The following MID1 variants were observed in gnomAD, a reference collection of about 807,000 sequenced individuals.
MID1 encodes E3 ubiquitin-protein ligase Midline-1.
In MID1, 7 loss-of-function variants were observed where a neutral mutation model predicts 40.4. The observed-to-expected ratio is 0.17, with a 90% CI of 0.10 to 0.33. The LOEUF is 0.33. Among genes scored for constraint, MID1 ranks in the 10% least tolerant of loss-of-function variants. The pLI is 1.00. For missense variants in MID1, 367 were observed against 558.5 expected (o/e 0.66, Z 3.46); for synonymous variants, 229 against 221.2 (o/e 1.04, Z -0.31).
chrX:10,580,138 T>A (rs960611568), intron 1 of MID1, among the ~76,000 whole-genome samples: 9 of 108,261 alleles, frequency 8.3e-5, no homozygotes, highest in East Asian at 5.8e-4. Context: ...ACACACACAC[T>A]GTAAAGTGTC....
intron 1 of MID1, among the ~76,000 whole-genome samples, chrX:10,763,202 T>C (rs766654300): frequency 6.0e-4 from 66 of 109,102 alleles, no homozygotes; most frequent in African/African-American, 2.1e-3. Context: ...CTAGGGTACA[T>C]GTGCACAACG....
chrX:10,605,592 G>C (rs1040470083), intron 1 of MID1, among the ~76,000 whole-genome samples: 1 of 111,906 alleles, frequency 8.9e-6, no homozygotes, highest in Non-Finnish European at 1.9e-5. Flanking sequence ...TTCCTCCAAT[G>C]CCTTCTCTCA....
chrX:10,818,459 T>C (rs762982634), intron 1 of MID1, among the ~76,000 whole-genome samples: 1 of 112,873 alleles, frequency 8.9e-6, no homozygotes, highest in Non-Finnish European at 1.9e-5. Flanking sequence ...TGGCAGGTCA[T>C]TGTTTCTACA....
chrX:10,665,343 T>C (rs748228742), intron 1 of MID1, among the ~76,000 whole-genome samples: 44 of 111,643 alleles, frequency 3.9e-4, no homozygotes, highest in Non-Finnish European at 7.5e-4. Flanking sequence ...GGACACCTTC[T>C]GGAATTCAAA....
At chrX:10,458,748 C>G (rs1047848357) in intron 8 of MID1, among the ~76,000 whole-genome samples, 3 of 111,647 alleles carry the variant, frequency 2.7e-5, no homozygotes, top group African/African-American at 9.8e-5. Flanking sequence ...ACACATTCCT[C>G]TAGGATACAA....
intron 1 of MID1, among the ~76,000 whole-genome samples, chrX:10,711,366 C>A (rs2043266524): frequency 8.9e-6 from 1 of 111,924 alleles, no homozygotes; most frequent in African/African-American, 3.2e-5. Context: ...TATTAATGGA[C>A]CTCTTTCAGG....
chrX:10,566,536 T>C (rs1252826889), intron 2 of MID1, among the ~76,000 whole-genome samples: 9 of 101,032 alleles, frequency 8.9e-5, no homozygotes, highest in Non-Finnish European at 1.4e-4. Context: ...TCTCTCCCTC[T>C]CTCTCTCTCT....
chrX:10,769,456 T>G (rs979428834), intron 1 of MID1, among the ~76,000 whole-genome samples: 6 of 111,899 alleles, frequency 5.4e-5, no homozygotes, highest in African/African-American at 1.9e-4. Flanking sequence ...CCTCACTCTT[T>G]CCTCTGTGCC....
At chrX:10,821,065 G>A (rs142337418) in intron 1 of MID1, among the ~76,000 whole-genome samples, 39 of 112,191 alleles carry the variant, frequency 3.5e-4, no homozygotes, top group African/African-American at 1.1e-3. Context: ...CAACTCAAGC[G>A]TTGGGTACTC....
At chrX:10,560,335 C>A (rs1934284972) in intron 2 of MID1, among the ~76,000 whole-genome samples, 1 of 111,527 alleles carries the variant, frequency 9.0e-6, no homozygotes, top group Non-Finnish European at 1.9e-5. Flanking sequence ...CCTCTCTCAC[C>A]ACTCCTATTC....
chrX:10,721,093 A>G (rs1246874934), intron 1 of MID1, among the ~76,000 whole-genome samples: 1 of 110,254 alleles, frequency 9.1e-6, no homozygotes, highest in East Asian at 2.8e-4. Flanking sequence ...GATATACCTA[A>G]TGTTAAATGA....
At chrX:10,733,700 A>G (rs781699119) in intron 1 of MID1, among the ~76,000 whole-genome samples, 1 of 112,266 alleles carries the variant, frequency 8.9e-6, no homozygotes, top group East Asian at 2.8e-4. Flanking sequence ...AGGCATATGA[A>G]TTACCAATAA....
chrX:10,674,530 T>A (rs1467192017), intron 1 of MID1, among the ~76,000 whole-genome samples: 2 of 112,171 alleles, frequency 1.8e-5, no homozygotes, highest in East Asian at 5.6e-4. Flanking sequence ...AAGGCAGTAG[T>A]GAAAAATGGC....
intron 1 of MID1, among the ~76,000 whole-genome samples, chrX:10,721,350 A>G (rs903156323): frequency 1.8e-5 from 2 of 110,756 alleles, no homozygotes; most frequent in African/African-American, 6.6e-5. Flanking sequence ...CTCTAGTGTG[A>G]ATTAAAGAGT....
At chrX:10,622,296 G>A (rs1343219819), upstream of MID1, among the ~76,000 whole-genome samples, 1 of 111,253 alleles carries the variant, frequency 9.0e-6, no homozygotes, top group Non-Finnish European at 1.9e-5. Flanking sequence ...TTAATCCCAT[G>A]GCACATCTGT....
intron 2 of MID1, among the ~76,000 whole-genome samples, chrX:10,560,752 C>T (rs190463229): frequency 1.0e-3 from 112 of 111,659 alleles, no homozygotes; most frequent in African/African-American, 3.5e-3. Flanking sequence ...AAAATCCATG[C>T]TCATGGATAG....
At position 10,482,460 on chromosome X, in the gene MID1, C is replaced by T; in HGVS notation, c.1013+20G>A. 8.3e-7 allele frequency: 1 copy of T among 1,208,355 alleles called. No homozygotes were observed. On this transcript the variant is annotated intron_variant, in intron 5 of 9. Transcript: ENST00000317552. ...CAAGAGCCCAGCAGCCGAGAAATTC[C>T]CAGGGGCCCCTGCACTCACCTCTCG...
At chrX:10,716,433 A>C (rs2043303809) in intron 1 of MID1, among the ~76,000 whole-genome samples, 1 of 112,129 alleles carries the variant, frequency 8.9e-6, no homozygotes, top group Non-Finnish European at 1.9e-5. Context: ...CAACTGGAAG[A>C]AAGGGTATCA....
intron 1 of MID1, among the ~76,000 whole-genome samples, chrX:10,630,214 T>C (rs373085221): frequency 9.0e-6 from 1 of 111,630 alleles, no homozygotes; most frequent in African/African-American, 3.3e-5. Flanking sequence ...GACAAACACA[T>C]CAACAAATAA....
Sources: allele counts gnomAD v4.1 joint callset (sites outside exome capture counted in the v4.1 genomes callset), GRCh38; gene constraint gnomAD v4.1.1; transcripts MANE v1.5; gene names NCBI Gene and HGNC (gene_info 2026-07-23, HGNC 2026-07-21).